Variants in XKR9 observed in about 807,000 individuals in gnomAD.
XKR9 encodes the protein XK-related protein 9.
A neutral mutation model predicts 32.0 loss-of-function variants in XKR9; 32 were observed. That is an observed-to-expected ratio of 1.00 (90% CI 0.76 to 1.34). XKR9 has a LOEUF of 1.34. Among genes scored for constraint, XKR9 ranks in the 40% most tolerant of loss-of-function variants. The pLI is 0.00. For synonymous variants in XKR9, 168 were observed against 143.4 expected (o/e 1.17, Z -1.22); for missense variants, 546 against 429.7 (o/e 1.27, Z -2.39).
chr8:70,762,375 T>C (rs1443188353), intron 2 of XKR9, among the ~76,000 whole-genome samples: 1 of 152,176 alleles, frequency 6.6e-6, no homozygotes, highest in Non-Finnish European at 1.5e-5. Context: ...TATTAGCAAC[T>C]GGGCTGCACA....
At chr8:70,776,961 A>ATATATATG (rs796746390) in intron 2 of XKR9, among the ~76,000 whole-genome samples, 1,797 of 88,016 alleles carry the variant, frequency 0.02, 40 homozygotes, top group African/African-American at 0.025. Flanking sequence ...ATATATATAT[A>ATATATATG]TATGTATGTA....
chr8:70,724,407 T>G (rs1480170425), intron 4 of XKR9, among the ~76,000 whole-genome samples: 1 of 145,460 alleles, frequency 6.9e-6, no homozygotes, highest in South Asian at 2.2e-4. Flanking sequence ...GTCTTGCTGG[T>G]GTTCCAAGTG....
the XKR9 span, among the ~76,000 whole-genome samples, chr8:70,957,099 C>T: frequency 2.1e-4 from 32 of 152,324 alleles, no homozygotes; most frequent in African/African-American, 6.0e-4. Context: ...ACAGTTCCTT[C>T]GGCAATATTT....
chr8:70,898,250 G>T, the XKR9 span, among the ~76,000 whole-genome samples: 1 of 152,030 alleles, frequency 6.6e-6, no homozygotes, highest in African/African-American at 2.4e-5. Context: ...TTTGTTTCTG[G>T]GTTCCCTATT....
the XKR9 span, among the ~76,000 whole-genome samples, chr8:70,833,659 G>A: frequency 1.3e-5 from 2 of 152,010 alleles, no homozygotes; most frequent in South Asian, 2.1e-4. Flanking sequence ...TGATGCCCAC[G>A]GCCTACCTCA....
intron 2 of XKR9, among the ~76,000 whole-genome samples, chr8:70,741,766 G>A (rs1375520785): frequency 2.0e-5 from 3 of 152,120 alleles, no homozygotes; most frequent in East Asian, 3.8e-4. Flanking sequence ...TTTTGGATAT[G>A]TACTCAGAAG....
chr8:70,973,586 G>A, the XKR9 span, among the ~76,000 whole-genome samples: 3 of 152,104 alleles, frequency 2.0e-5, no homozygotes, highest in East Asian at 5.8e-4. Flanking sequence ...TTTTAATGTA[G>A]GCATTTAATT....
At chr8:70,975,693 C>T in the XKR9 span, among the ~76,000 whole-genome samples, 5 of 152,078 alleles carry the variant, frequency 3.3e-5, no homozygotes, top group African/African-American at 1.2e-4. Flanking sequence ...CTAGCTTTGT[C>T]CTTTTTGCTT....
At chr8:71,046,433 C>G in the XKR9 span, among the ~76,000 whole-genome samples, 1 of 152,184 alleles carries the variant, frequency 6.6e-6, no homozygotes, top group Non-Finnish European at 1.5e-5. Context: ...TTTGTCCTAA[C>G]ATTGCTTTTC....
rs185571025 is a variant in XKR9 at position 70,743,997 on chromosome 8, C to T, written n.352+36844C>T. 1.7e-3 allele frequency among the ~76,000 whole-genome samples: 260 copies of T among 152,108 alleles called. 2 individuals carry two copies. The highest frequency in any genetic ancestry group is 6.0e-3 in the African/African-American group (248 of 41,506). On this transcript the variant is annotated intron_variant and non_coding_transcript_variant, in intron 2 of 3. Coordinates refer to the XKR9 transcript ENST00000520273. Reference sequence around the variant, plus strand: ...CGATTTGTGCAGTAAGAGATATACCCACCTTCTTATTAATCTATAACATTT... The same window carrying T: ...CGATTTGTGCAGTAAGAGATATACCTACCTTCTTATTAATCTATAACATTT...
the XKR9 span, among the ~76,000 whole-genome samples, chr8:70,810,945 A>G: frequency 2.6e-5 from 4 of 152,346 alleles, no homozygotes; most frequent in South Asian, 2.1e-4. Context: ...TGGACCTAAG[A>G]GACATCTACA....
the XKR9 span, among the ~76,000 whole-genome samples, chr8:71,018,948 T>C: frequency 3.9e-5 from 6 of 152,194 alleles, no homozygotes; most frequent in Non-Finnish European, 5.9e-5. Flanking sequence ...CATGGCCCTA[T>C]TGGATAGTTT....
the XKR9 span, among the ~76,000 whole-genome samples, chr8:70,893,634 G>A: frequency 6.6e-6 from 1 of 152,142 alleles, no homozygotes; most frequent in Non-Finnish European, 1.5e-5. Flanking sequence ...ATAACTGTGG[G>A]TCCCTTAGTG....
chr8:70,869,294 A>G, the XKR9 span, among the ~76,000 whole-genome samples: 21 of 152,208 alleles, frequency 1.4e-4, no homozygotes, highest in Admixed American at 1.4e-3. Context: ...AAGACTAGGT[A>G]ATTGATACAG....
chr8:70,917,167 T>G, the XKR9 span, among the ~76,000 whole-genome samples: 1 of 152,158 alleles, frequency 6.6e-6, no homozygotes, highest in Non-Finnish European at 1.5e-5. Context: ...TCCTCCTCTT[T>G]CCTTTACCTA....
chr8:70,729,644 ATAGT>A (rs1267076317), intron 4 of XKR9, among the ~76,000 whole-genome samples: 1 of 152,230 alleles, frequency 6.6e-6, no homozygotes, highest in Non-Finnish European at 1.5e-5. Context: ...TAGGGCAGCC[ATAGT>A]TAAAGACACA....
chr8:70,819,665 G>T, the XKR9 span, among the ~76,000 whole-genome samples: 1 of 152,166 alleles, frequency 6.6e-6, no homozygotes, highest in Non-Finnish European at 1.5e-5. Context: ...TCAAATAGAA[G>T]AATGGATATG....
At chr8:70,773,524 A>C (rs1203005377) in intron 2 of XKR9, among the ~76,000 whole-genome samples, 1 of 152,172 alleles carries the variant, frequency 6.6e-6, no homozygotes, top group Non-Finnish European at 1.5e-5. Context: ...CTCAACATGT[A>C]CATTTTGGGA....
the XKR9 span, among the ~76,000 whole-genome samples, chr8:70,924,987 A>G: frequency 6.6e-6 from 1 of 152,282 alleles, no homozygotes; most frequent in African/African-American, 2.4e-5. Flanking sequence ...TTGCCCAAGT[A>G]AATTTTCAGG....
Sources: allele counts gnomAD v4.1 joint callset (sites outside exome capture counted in the v4.1 genomes callset), GRCh38; gene constraint gnomAD v4.1.1; transcripts MANE v1.5; gene names NCBI Gene and HGNC (gene_info 2026-07-23, HGNC 2026-07-21).